IL17RC: variants seen among roughly 807,000 people sequenced by gnomAD.
IL17RC encodes interleukin 17 receptor C.
In IL17RC, 53 loss-of-function variants were observed where a neutral mutation model predicts 86.7. That is an observed-to-expected ratio of 0.61 (90% confidence interval 0.49 to 0.77). IL17RC has a LOEUF of 0.77. Ranked by LOEUF, IL17RC falls within the 30% of genes least tolerant of loss-of-function variation. IL17RC has a pLI of 0.00. For synonymous variants in IL17RC, 439 were observed against 413.1 expected (o/e 1.06, Z -0.76); for missense variants, 957 against 940.0 (o/e 1.02, Z -0.24).
intron 5 of IL17RC, 25 bp downstream of exon 5, chr3:9,918,634 T>A (rs910140050): frequency 6.8e-7 from 1 of 1,481,364 alleles, no homozygotes. Flanking sequence ...AATAATCACC[T>A]TCTAAACCTA....
At chr3:9,927,726 A>G (rs1200721870) in intron 9 of IL17RC, among the ~76,000 whole-genome samples, 7 of 152,160 alleles carry the variant, frequency 4.6e-5, no homozygotes, top group African/African-American at 1.7e-4. Flanking sequence ...GGATCACTTG[A>G]GGTCAGGAGT....
At chr3:9,919,625 G>A (rs557693377) in intron 5 of IL17RC, among the ~76,000 whole-genome samples, 2 of 152,150 alleles carry the variant, frequency 1.3e-5, no homozygotes, top group African/African-American at 4.8e-5. Flanking sequence ...CAGCCTGGGC[G>A]ACAGAGCGAG....
At chr3:9,931,464 C>CATATATATATATATAT (rs1338301646) in intron 16 of IL17RC, among the ~76,000 whole-genome samples, 4 of 10,786 alleles carry the variant, frequency 3.7e-4, no homozygotes, top group African/African-American at 4.6e-4. Context: ...CACACACACA[C>CATATATATATATATAT]ACACACATAT....
chr3:9,926,031 CTTT>C (rs5846649), intron 9 of IL17RC, among the ~76,000 whole-genome samples: 43 of 89,754 alleles, frequency 4.8e-4, no homozygotes, highest in South Asian at 1.6e-3. Context: ...TAATTGTTTC[CTTT>C]TTTTTTTTTT....
intron 6 of IL17RC, 91 bp from the exon 7 acceptor site, chr3:9,920,834 C>T (rs2083477272): frequency 1.0e-6 from 1 of 980,822 alleles, no homozygotes; most frequent in African/African-American, 1.6e-5. Flanking sequence ...GATGGGGAGC[C>T]ATTCCTAATG....
Position 9,930,993 on chromosome 3 carries a change from T to C in IL17RC, c.1387+50T>C. On this transcript the variant is annotated intron_variant, in intron 16 of 18. Transcript: ENST00000403601. The surrounding 1 kb of genome is among the most constrained non-coding windows in gnomAD (Gnocchi z 5.8). ...CCTTTCTGTACCAGGAGTGGGGATC[T>C]TGACAGGGACCACTCTTGGGCACAG... is the stretch of plus-strand genomic sequence containing the variant. 2.0e-6 allele frequency: 3 copies of C among 1,480,142 alleles called. No individual in the cohort carries two copies. Among genetic ancestry groups the C allele is most frequent in the Non-Finnish European group, 2.8e-6 (3 of 1,057,702 alleles). The allele number at this position is 1,480,142 out of a possible 1,614,324, so 91.7% of individuals were successfully genotyped here. A position where few individuals can be genotyped will look rare whatever the true frequency, so the allele number is the denominator to read the frequency against.
chr3:9,918,969 G>A (rs1230948783), intron 5 of IL17RC: 1 of 174,640 alleles, frequency 5.7e-6, no homozygotes, highest in Non-Finnish European at 1.2e-5. Context: ...GCAGTGTATG[G>A]GAGTCCTAGT....
In IL17RC at chr3:9,918,625, A is replaced by T. The variant is rs1452902682; in HGVS notation, c.465+16A>T. 20 of 1,536,070 alleles carry T rather than the reference A, an allele frequency of 1.3e-5. No homozygotes were observed. The highest frequency in any genetic ancestry group is 1.8e-5 in the Non-Finnish European group (20 of 1,109,442). ...TCAGTCTGTGGTATGCAAAATAATAATAATCACCTTCTAAACCTAAAATCT... is the reference window on the plus strand; with the variant it reads ...TCAGTCTGTGGTATGCAAAATAATATTAATCACCTTCTAAACCTAAAATCT... On this transcript the variant is annotated intron_variant, in intron 5 of 18. Coordinates refer to ENST00000403601, the MANE Select transcript of IL17RC (RefSeq NM_153460.4).
chr3:9,927,040 T>G (rs1305311016), intron 9 of IL17RC, among the ~76,000 whole-genome samples: 1 of 152,240 alleles, frequency 6.6e-6, no homozygotes, highest in Non-Finnish European at 1.5e-5. Context: ...TGCTGTGATT[T>G]AAATGGCTTC....
intron 13 of IL17RC, 65 bp from the exon 14 acceptor site, chr3:9,929,963 G>A: frequency 6.2e-7 from 1 of 1,613,716 alleles, no homozygotes; most frequent in Non-Finnish European, 8.5e-7. Flanking sequence ...GGGCATGGGA[G>A]GCAGGCAAGT....
At chr3:9,929,649 T>C (rs1331587584) in intron 12 of IL17RC, 2 of 661,512 alleles carry the variant, frequency 3.0e-6, no homozygotes, top group African/African-American at 3.6e-5. Flanking sequence ...CAGAAGACGC[T>C]TTATACAGAT....
intron 6 of IL17RC, 73 bp from the exon 7 acceptor site, chr3:9,920,852 G>A (rs2083479917): frequency 7.4e-7 from 1 of 1,357,832 alleles, no homozygotes; most frequent in East Asian, 2.3e-5. Flanking sequence ...ATGCCCCCCT[G>A]GGAGCCAAAT....
chr3:9,932,678 CCTT>C lies in IL17RC; in HGVS notation c.1461_1463del (p.Leu488del), dbSNP rs558143847. 277 of 1,614,190 alleles carry C rather than the reference CCTT, an allele frequency of 1.7e-4. No individual in the cohort carries two copies. In the African/African-American group the frequency reaches 3.5e-3, roughly 20 times the overall value. On this transcript the variant is annotated inframe_deletion, in exon 17 of 19. Transcript: ENST00000403601. ...TTGCCGCTGCGCTTTCCCTCATCCT[CCTT>C]CTCAAAAAGGATCACGCGAAAGGTG...
In IL17RC at chr3:9,923,916, A is replaced by C. The variant is rs547267906; in HGVS notation, c.658A>C (p.Asn220His). The C allele has an allele frequency of 3.1e-6, 5 of 1,614,168 alleles. No individual in the cohort carries two copies. Among genetic ancestry groups the C allele is most frequent in the South Asian group, 2.2e-5 (2 of 91,078 alleles). ...GCTCAACGTGTCAGCAGATGGTGAC[A>C]ACGTGCATCTGGTTCTGAATGTCTC... ...PWLNVSADGD[N>H]VHLVLNVSEE... The change falls in exon 8 of 19, where the codon AAC becomes CAC. Residue 220 changes from asparagine to histidine, a missense_variant. Asn to His is a moderately conservative substitution (Grantham distance 68). Transcript: ENST00000403601.
In IL17RC at chr3:9,930,132, C is replaced by T. The variant is rs746083792; in HGVS notation, c.1261C>T (p.Pro421Ser). The T allele has an allele frequency of 1.1e-5, 17 of 1,614,106 alleles. No individual in the cohort carries two copies. The highest frequency in any genetic ancestry group is 1.4e-5 in the Non-Finnish European group (17 of 1,180,020). The change falls in exon 14 of 19, where the codon CCC becomes TCC. Residue 421 changes from proline (P) to serine (S), a missense_variant. By Grantham distance (74) the Pro-to-Ser change is moderately conservative (BLOSUM62 -1). Coordinates refer to ENST00000403601, the MANE Select transcript of IL17RC (RefSeq NM_153460.4). This position sits in a 1 kb window ranked among gnomAD's most constrained non-coding sequence, Gnocchi z 5.8. ...GGAACCCAGTGGCTGTACTTCACTACCCAGCAAAGCCTCCACGGTTAGGAC... is the reference window on the plus strand; with the variant it reads ...GGAACCCAGTGGCTGTACTTCACTATCCAGCAAAGCCTCCACGGTTAGGAC... The part of the protein sequence containing the change: ...ALEPSGCTSL[P>S]SKASTRAARL...
intron 8 of IL17RC, 49 bp downstream of exon 8, chr3:9,924,069 G>T (rs778533468): frequency 3.7e-6 from 6 of 1,611,354 alleles, no homozygotes; most frequent in Non-Finnish European, 5.1e-6. Context: ...GCCGATGCCT[G>T]TGCAAAGGAC....
intron 10 of IL17RC, 27 bp downstream of exon 10, chr3:9,928,247 T>A (rs2084287970): frequency 6.4e-7 from 1 of 1,561,614 alleles, no homozygotes; most frequent in Admixed American, 1.8e-5. Context: ...GGGGCTGGGG[T>A]TGGGGTGTTG....
chr3:9,920,599 C>T lies in IL17RC; in HGVS notation c.574C>T (p.Pro192Ser), dbSNP rs201607994. The stretch of plus-strand genomic sequence containing the variant: ...GGAACTCAACCACACACAGCAGCTG[C>T]CTGGTAAGTGGACCCCCAAGTCCTG... ...EKELNHTQQLPDCRGLEVWNS... is the reference protein window; with the variant it reads ...EKELNHTQQLSDCRGLEVWNS... Residue 192 changes from proline to serine, a missense_variant, in exon 6 of 19, where the codon CCT becomes TCT. Coordinates refer to ENST00000403601, the MANE Select transcript of IL17RC (RefSeq NM_153460.4). 1.4e-5 allele frequency: 23 copies of T among 1,594,638 alleles called. No individual in the cohort carries two copies. The South Asian group carries it at 2.0e-4, about 14-fold the overall frequency.
At chr3:9,928,949 T>C in intron 12 of IL17RC, 1 of 350,980 alleles carries the variant, frequency 2.8e-6, no homozygotes, top group Non-Finnish European at 5.2e-6. Flanking sequence ...ACTTTTATTA[T>C]TGCTATCCTT....
Sources: gnomAD v4.1 joint callset for allele counts (sites outside exome capture counted in the v4.1 genomes callset) on GRCh38, gnomAD v4.1.1 for gene constraint, Gnocchi (gnomAD v3.1) non-coding constraint, MANE v1.5 for transcripts, NCBI Gene and HGNC (gene_info 2026-07-23, HGNC 2026-07-21) for gene names.